PRIM2: variants seen among roughly 807,000 people sequenced by gnomAD.
PRIM2 encodes DNA primase subunit 2, also known as DNA primase large subunit.
In PRIM2, 39 loss-of-function variants were observed where a neutral mutation model predicts 67.3. That is an observed-to-expected ratio of 0.58 (90% CI 0.45 to 0.76). The LOEUF is 0.76. PRIM2 is among the 30% of genes least tolerant of loss of function. PRIM2 has a pLI of 0.00. For missense variants in PRIM2, 398 were observed against 598.7 expected (o/e 0.66, Z 3.50); for synonymous variants, 143 against 198.7 (o/e 0.72, Z 2.36).
At chr6:57,339,060 AACAG>A (rs1273386417) in intron 5 of PRIM2, among the ~76,000 whole-genome samples, 1 of 152,064 alleles carries the variant, frequency 6.6e-6, no homozygotes, top group African/African-American at 2.4e-5. Context: ...ATACACCAAC[AACAG>A]ACAAACAGAG....
chr6:57,312,233 G>C (rs887833050), upstream of PRIM2, among the ~76,000 whole-genome samples: 2 of 151,992 alleles, frequency 1.3e-5, no homozygotes, highest in Non-Finnish European at 2.9e-5. Flanking sequence ...AAGTGTGGTG[G>C]CTTATGCCTG....
At chr6:57,391,584 C>T (rs1217314720) in intron 7 of PRIM2, among the ~76,000 whole-genome samples, 3 of 151,380 alleles carry the variant, frequency 2.0e-5, no homozygotes, top group African/African-American at 7.4e-5. Context: ...CTGCATATGG[C>T]TAGCCAGTTA....
At chr6:57,481,317 A>G (rs1581944757) in intron 7 of PRIM2, among the ~76,000 whole-genome samples, 1 of 151,864 alleles carries the variant, frequency 6.6e-6, no homozygotes, top group African/African-American at 2.4e-5. Context: ...AAATTTTGTC[A>G]CTCCAGAAAT....
intron 5 of PRIM2, among the ~76,000 whole-genome samples, chr6:57,365,346 C>T (rs1769322194): frequency 6.6e-6 from 1 of 150,876 alleles, no homozygotes. Context: ...TGTCACAGTG[C>T]CAATTCTAGG....
At chr6:57,264,548 A>C in the PRIM2 span, among the ~76,000 whole-genome samples, 1 of 151,534 alleles carries the variant, frequency 6.6e-6, no homozygotes, top group East Asian at 1.9e-4. Context: ...CAACCCCTCT[A>C]ATACCAATGT....
chr6:57,556,775 A>T (rs1460913072), intron 10 of PRIM2, among the ~76,000 whole-genome samples: 1 of 152,244 alleles, frequency 6.6e-6, no homozygotes, highest in Non-Finnish European at 1.5e-5. Flanking sequence ...ACAAAAGCAA[A>T]TAGGATCTAA....
intron 7 of PRIM2, among the ~76,000 whole-genome samples, chr6:57,481,499 T>A (rs1373372124): frequency 3.3e-5 from 5 of 152,178 alleles, no homozygotes; most frequent in Non-Finnish European, 5.9e-5. Flanking sequence ...TTGAAGGGCA[T>A]TGAATTATTT....
intron 10 of PRIM2, among the ~76,000 whole-genome samples, chr6:57,553,434 A>G (rs1775443965): frequency 6.6e-6 from 1 of 152,066 alleles, no homozygotes; most frequent in African/African-American, 2.4e-5. Context: ...AATCCAGGAC[A>G]TAGTCATTTT....
At chr6:57,426,895 G>A (rs1771650261) in intron 7 of PRIM2, among the ~76,000 whole-genome samples, 1 of 152,150 alleles carries the variant, frequency 6.6e-6, no homozygotes, top group African/African-American at 2.4e-5. Flanking sequence ...CCAGGTCTTT[G>A]TTAAGCCAAA....
intron 5 of PRIM2, among the ~76,000 whole-genome samples, chr6:57,337,303 A>G (rs1351250508): frequency 2.0e-5 from 3 of 152,176 alleles, no homozygotes; most frequent in Non-Finnish European, 4.4e-5. Context: ...CAGATCAACA[A>G]GACAGAAAGT....
chr6:57,415,898 C>G (rs1264136411), intron 7 of PRIM2, among the ~76,000 whole-genome samples: 1 of 152,186 alleles, frequency 6.6e-6, no homozygotes, highest in African/African-American at 2.4e-5. Context: ...TTCGAGTTCT[C>G]TTGTGATTTC....
chr6:57,236,463 C>G, the PRIM2 span, among the ~76,000 whole-genome samples: 2 of 151,894 alleles, frequency 1.3e-5, no homozygotes, highest in African/African-American at 4.8e-5. Flanking sequence ...ATGTGCACAA[C>G]GTGCAGGTTT....
intron 5 of PRIM2, among the ~76,000 whole-genome samples, chr6:57,357,537 A>G (rs1223192436): frequency 6.6e-6 from 1 of 151,516 alleles, no homozygotes; most frequent in Non-Finnish European, 1.5e-5. Context: ...GTATCAGCTT[A>G]AACAGTTTTC....
At chr6:57,625,339 A>G (rs2127497828) in intron 12 of PRIM2, among the ~76,000 whole-genome samples, 1 of 152,334 alleles carries the variant, frequency 6.6e-6, no homozygotes, top group East Asian at 1.9e-4. Context: ...ACGTTACCCT[A>G]TTAAGTTCTG....
At chr6:57,292,755 A>T in the PRIM2 span, among the ~76,000 whole-genome samples, 16 of 152,240 alleles carry the variant, frequency 1.1e-4, no homozygotes, top group Non-Finnish European at 2.1e-4. Flanking sequence ...TCCCTATTTA[A>T]TAAATGGTGC....
At chr6:57,281,191 A>T in the PRIM2 span, among the ~76,000 whole-genome samples, 1 of 152,142 alleles carries the variant, frequency 6.6e-6, no homozygotes, top group African/African-American at 2.4e-5. Context: ...TCTTTTATCT[A>T]TTCATCCATT....
the PRIM2 span, among the ~76,000 whole-genome samples, chr6:57,263,554 G>T: frequency 6.6e-6 from 1 of 152,110 alleles, no homozygotes; most frequent in African/African-American, 2.4e-5. Context: ...GTGGATTGAG[G>T]CCCACTCTAG....
At position 57,636,772 on chromosome 6, in the gene PRIM2, G is replaced by A. The variant is rs1460624369; in HGVS notation, c.1299+4571G>A. Among the ~76,000 whole-genome samples, 206 of 152,318 alleles carry A rather than the reference G, an allele frequency of 1.4e-3. 2 individuals carry two copies. In the East Asian group the frequency reaches 0.038, roughly 28 times the overall value. On this transcript the variant is annotated intron_variant, in intron 13 of 13. Transcript: ENST00000615550. The stretch of plus-strand genomic sequence containing the variant: ...CAGTAGCCCCAGTCAGGGGCTTATA[G>A]ATAAAATCCCCATCTCCCTGGGATG...
chr6:57,591,255 A>G (rs1448740450), intron 10 of PRIM2, among the ~76,000 whole-genome samples: 1 of 152,232 alleles, frequency 6.6e-6, no homozygotes, highest in African/African-American at 2.4e-5. Context: ...TCTGGTTATT[A>G]AAATTATACA....
Sources: allele counts gnomAD v4.1 joint callset (sites outside exome capture counted in the v4.1 genomes callset), GRCh38; gene constraint gnomAD v4.1.1; transcripts MANE v1.5; gene names NCBI Gene and HGNC (gene_info 2026-07-23, HGNC 2026-07-21).